TRPS1: variants seen among roughly 807,000 people sequenced by gnomAD.
The protein encoded by TRPS1 is zinc finger transcription factor Trps1.
A neutral mutation model predicts 101.2 loss-of-function variants in TRPS1; 6 were observed. The observed-to-expected ratio is 0.06, with a 90% confidence interval of 0.03 to 0.12. The LOEUF (loss-of-function observed/expected upper bound fraction) is 0.12, where lower values mean the gene tolerates loss of function less well. TRPS1 is among the 10% of genes least tolerant of loss of function. The pLI, the probability that TRPS1 is intolerant of heterozygous loss-of-function variation, is 1.00. For synonymous variants in TRPS1, 578 were observed against 589.8 expected (o/e 0.98, Z 0.29); for missense variants, 1,363 against 1,567.0 (o/e 0.87, Z 2.20).
intron 1 of TRPS1, among the ~76,000 whole-genome samples, chr8:115,666,746 AT>A (rs1378401578): frequency 6.6e-6 from 1 of 152,112 alleles, no homozygotes; most frequent in African/African-American, 2.4e-5. Flanking sequence ...TTCCTATTTT[AT>A]TTTTGCTTTG....
At chr8:115,453,297 G>A (rs1219401167) in intron 5 of TRPS1, among the ~76,000 whole-genome samples, 4 of 152,148 alleles carry the variant, frequency 2.6e-5, no homozygotes, top group Admixed American at 1.3e-4. Flanking sequence ...GGGATTACAG[G>A]TGTGAGCCAC....
chr8:115,649,051 A>G (rs537060921), intron 1 of TRPS1, among the ~76,000 whole-genome samples: 1 of 152,334 alleles, frequency 6.6e-6, no homozygotes, highest in South Asian at 2.1e-4. Context: ...TTTTACTGTA[A>G]TGGGGCCAAG....
chr8:115,547,514 C>A (rs1458948616), intron 5 of TRPS1, among the ~76,000 whole-genome samples: 1 of 152,140 alleles, frequency 6.6e-6, no homozygotes, highest in Admixed American at 6.5e-5. Flanking sequence ...TTATTTGATT[C>A]TCTGGTCATT....
intron 5 of TRPS1, among the ~76,000 whole-genome samples, chr8:115,503,668 A>G (rs1463797455): frequency 6.6e-6 from 1 of 152,216 alleles, no homozygotes; most frequent in Non-Finnish European, 1.5e-5. Flanking sequence ...TGTTTACAAA[A>G]CTAAGAGTTT....
At chr8:115,443,767 G>C (rs978160022) in intron 5 of TRPS1, among the ~76,000 whole-genome samples, 1 of 152,160 alleles carries the variant, frequency 6.6e-6, no homozygotes, top group African/African-American at 2.4e-5. Flanking sequence ...ATAAATATTG[G>C]TTATGATCGT....
intron 1 of TRPS1, among the ~76,000 whole-genome samples, chr8:115,649,578 A>G (rs939659183): frequency 3.3e-5 from 5 of 152,332 alleles, no homozygotes; most frequent in South Asian, 2.1e-4. Flanking sequence ...GGCGGCCCCA[A>G]TGGAAGACGA....
At chr8:115,543,793 T>C (rs552029598) in intron 5 of TRPS1, among the ~76,000 whole-genome samples, 2 of 152,240 alleles carry the variant, frequency 1.3e-5, no homozygotes, top group South Asian at 4.1e-4. Context: ...CACCAGTTTA[T>C]AGATCAATTA....
rs771915126 is a variant in TRPS1, at chr8:115,414,007, G to C, written c.*16C>G. On this transcript the variant is annotated 3_prime_UTR_variant, in exon 7 of 7. Coordinates refer to ENST00000395715, the MANE Select transcript of TRPS1 (RefSeq NM_014112.5). This position sits in a 1 kb window ranked among gnomAD's most constrained non-coding sequence, Gnocchi z 4.8. ...AGAAAACCTATTTCTATTTAATTGT[G>C]CTAAGTGCTAAGGTTTTACTCTTTA... is the stretch of plus-strand genomic sequence containing the variant. 5.0e-6 allele frequency: 8 copies of C among 1,609,970 alleles called. No individual in the cohort carries two copies. The highest frequency in any genetic ancestry group is 6.8e-6 in the Non-Finnish European group (8 of 1,177,296).
intron 5 of TRPS1, among the ~76,000 whole-genome samples, chr8:115,502,471 G>C (rs1435234504): frequency 6.6e-6 from 1 of 152,144 alleles, no homozygotes; most frequent in Non-Finnish European, 1.5e-5. Flanking sequence ...TACCAGTACA[G>C]AAATGTGGAC....
chr8:115,539,400 T>C (rs1053071208), intron 5 of TRPS1, among the ~76,000 whole-genome samples: 14 of 152,250 alleles, frequency 9.2e-5, no homozygotes, highest in African/African-American at 2.9e-4. Flanking sequence ...ATATTTTATG[T>C]CTAGTCCCAT....
At chr8:115,535,217 A>ATG (rs1816263069) in intron 5 of TRPS1, among the ~76,000 whole-genome samples, 2 of 144,802 alleles carry the variant, frequency 1.4e-5, no homozygotes, top group Admixed American at 6.8e-5. Context: ...TGTATAGCAT[A>ATG]TATAGCATAT....
intron 5 of TRPS1, among the ~76,000 whole-genome samples, chr8:115,475,059 A>G (rs1436156736): frequency 6.6e-6 from 1 of 151,980 alleles, no homozygotes; most frequent in Non-Finnish European, 1.5e-5. Flanking sequence ...CTCTAAGTGC[A>G]TAAAACAGAG....
chr8:115,457,708 A>G (rs1384111910), intron 5 of TRPS1, among the ~76,000 whole-genome samples: 4 of 152,264 alleles, frequency 2.6e-5, no homozygotes, highest in African/African-American at 9.6e-5. Flanking sequence ...ACAAAATCCT[A>G]AACGACCACT....
intron 5 of TRPS1, among the ~76,000 whole-genome samples, chr8:115,500,904 C>T (rs1224501393): frequency 1.3e-5 from 2 of 152,112 alleles, no homozygotes; most frequent in Non-Finnish European, 2.9e-5. Flanking sequence ...TATAGTCCAG[C>T]GATGGCATCT....
At chr8:115,664,559 A>T (rs749495779) in intron 1 of TRPS1, among the ~76,000 whole-genome samples, 1 of 152,168 alleles carries the variant, frequency 6.6e-6, no homozygotes, top group Non-Finnish European at 1.5e-5. Flanking sequence ...AACAAATGGT[A>T]AATAAGGATG....
At chr8:115,666,022 A>G (rs537125875) in intron 1 of TRPS1, among the ~76,000 whole-genome samples, 3 of 152,320 alleles carry the variant, frequency 2.0e-5, no homozygotes, top group South Asian at 2.1e-4. Flanking sequence ...AAGGCCTCAC[A>G]TTCAGAGAAA....
At chr8:115,531,673 G>A (rs1320087957) in intron 5 of TRPS1, among the ~76,000 whole-genome samples, 2 of 152,064 alleles carry the variant, frequency 1.3e-5, no homozygotes, top group South Asian at 2.1e-4. Context: ...GGATGCCTTT[G>A]TGGTAAAATA....
intron 4 of TRPS1, among the ~76,000 whole-genome samples, chr8:115,601,150 C>G (rs967737368): frequency 2.0e-5 from 3 of 152,158 alleles, no homozygotes; most frequent in Non-Finnish European, 2.9e-5. Flanking sequence ...CAGTTCATGG[C>G]TTATGCTAAT....
intron 3 of TRPS1, among the ~76,000 whole-genome samples, chr8:115,607,306 A>T (rs150937295): frequency 6.6e-6 from 1 of 152,292 alleles, no homozygotes; most frequent in East Asian, 1.9e-4. Flanking sequence ...TATCAGGAGA[A>T]GGGACTACGA....
Sources: gnomAD v4.1 joint callset for allele counts (sites outside exome capture counted in the v4.1 genomes callset) on GRCh38, gnomAD v4.1.1 for gene constraint, Gnocchi (gnomAD v3.1) non-coding constraint, MANE v1.5 for transcripts, NCBI Gene and HGNC (gene_info 2026-07-23, HGNC 2026-07-21) for gene names.